Variants in LRP5 observed in about 807,000 individuals in gnomAD.
The protein encoded by LRP5 is low-density lipoprotein receptor-related protein 5.
LRP5 carries 62 observed loss-of-function variants against 154.1 expected under a neutral mutation model. The ratio of observed to expected loss-of-function variants is 0.40; its 90% confidence interval spans 0.33 to 0.50. The LOEUF (loss-of-function observed/expected upper bound fraction) is 0.50. Ranked by LOEUF, LRP5 falls within the 20% of genes least tolerant of loss-of-function variation. The pLI is 0.55. For synonymous variants in LRP5, 966 were observed against 1,011.5 expected (o/e 0.96, Z 0.85); for missense variants, 1,915 against 2,336.7 (o/e 0.82, Z 3.72).
chr11:68,432,564 T>C (rs595693), intron 17 of LRP5, among the ~76,000 whole-genome samples: 1,797 of 152,356 alleles, frequency 0.012, 46 homozygotes, highest in African/African-American at 0.041. Context: ...ATCCAAAGGC[T>C]TGCGTGCAGC....
At chr11:68,391,075 T>A (rs1292298069) in intron 7 of LRP5, among the ~76,000 whole-genome samples, 6 of 152,146 alleles carry the variant, frequency 3.9e-5, no homozygotes, top group Non-Finnish European at 8.8e-5. Context: ...TTCATGCCAT[T>A]CTCCTGCCTC....
intron 13 of LRP5, among the ~76,000 whole-genome samples, chr11:68,418,022 G>C (rs2153170233): frequency 6.6e-6 from 1 of 152,332 alleles, no homozygotes; most frequent in East Asian, 1.9e-4. Flanking sequence ...CACAAATGAT[G>C]TGCTCACGGC....
chr11:68,312,878 C>G (rs1591160546), intron 1 of LRP5, 73 bp downstream of exon 1: 1 of 825,676 alleles, frequency 1.2e-6, no homozygotes. Flanking sequence ...CGGCCAAGTG[C>G]GCGGGCGCCG....
intron 9 of LRP5, among the ~76,000 whole-genome samples, chr11:68,408,615 T>G (rs942569505): frequency 2.6e-5 from 4 of 152,176 alleles, no homozygotes; most frequent in Non-Finnish European, 5.9e-5. Context: ...CAGAATTCTG[T>G]ATCCTGATTT....
chr11:68,396,230 C>G (rs2153158779), intron 7 of LRP5, among the ~76,000 whole-genome samples: 1 of 152,184 alleles, frequency 6.6e-6, no homozygotes, highest in East Asian at 1.9e-4. Flanking sequence ...GGAGGAGACA[C>G]ATTTGGAACA....
intron 5 of LRP5, among the ~76,000 whole-genome samples, chr11:68,366,743 C>T (rs572896513): frequency 1.3e-5 from 2 of 152,096 alleles, no homozygotes; most frequent in Non-Finnish European, 2.9e-5. Flanking sequence ...AGAGCCTCCC[C>T]GACCAAGCAT....
In LRP5 at chr11:68,439,713, T is replaced by C. The variant is rs34050100; in HGVS notation, c.4349-64T>C. The stretch of plus-strand genomic sequence containing the variant: ...AGTGGGAGCAGAGGAGAGCGCCCTA[T>C]GTCTGTGGGGCGGCTTGGCTGAGCC... On this transcript the variant is annotated intron_variant, in intron 20 of 22. Transcript: ENST00000294304. 613 of 1,555,262 alleles carry C rather than the reference T, an allele frequency of 3.9e-4. 5 individuals are homozygous for C. In the African/African-American group the frequency reaches 7.4e-3, roughly 19 times the overall value.
At chr11:68,409,095 T>TATATATATATATATAC (rs1311618305) in intron 9 of LRP5, among the ~76,000 whole-genome samples, 64 of 27,550 alleles carry the variant, frequency 2.3e-3, no homozygotes, top group Middle Eastern at 0.025. Flanking sequence ...TATATATATA[T>TATATATATATATATAC]ACACACACAT....
intron 21 of LRP5, among the ~76,000 whole-genome samples, chr11:68,444,288 G>A (rs1332955074): frequency 6.6e-6 from 1 of 152,118 alleles, no homozygotes; most frequent in Non-Finnish European, 1.5e-5. Context: ...ACCAAGGCGG[G>A]TGGATCACCT....
chr11:68,386,441 G>A lies in LRP5; in HGVS notation c.1141G>A (p.Asp381Asn), dbSNP rs1332274863. ...DIRHAIAIDY[D>N]PLEGYVYWTD... ...CCGGCACGCCATTGCCATCGACTAC[G>A]ACCCGCTAGAGGGCTATGTCTACTG... Residue 381 changes from aspartate (D) to asparagine (N), a missense_variant, in exon 6 of 23, where the codon GAC becomes AAC. Asp to Asn is a conservative substitution (Grantham distance 23, BLOSUM62 1). Around this residue, in one of 3 missense-constraint regions of LRP5, gnomAD observed 773 missense variants for 1,100.9 expected, o/e 0.70. Transcript: ENST00000294304. The surrounding 1 kb of genome is among the most constrained non-coding windows in gnomAD (Gnocchi z 7.9). The A allele has an allele frequency of 3.1e-6, 5 of 1,614,078 alleles. No homozygotes were observed. Among genetic ancestry groups the A allele is most frequent in the African/African-American group, 1.3e-5 (1 of 75,052 alleles).
chr11:68,332,335 T>G (rs1478006599), intron 1 of LRP5, among the ~76,000 whole-genome samples: 1 of 152,176 alleles, frequency 6.6e-6, no homozygotes, highest in Non-Finnish European at 1.5e-5. Context: ...GCACCTGGAA[T>G]GGGAGGGATG....
At chr11:68,392,634 C>T (rs1446223332) in intron 7 of LRP5, among the ~76,000 whole-genome samples, 1 of 152,156 alleles carries the variant, frequency 6.6e-6, no homozygotes, top group African/African-American at 2.4e-5. Flanking sequence ...AAGGAAACCC[C>T]ATGCCCACCG....
the LRP5 span, among the ~76,000 whole-genome samples, chr11:68,306,653 A>T: frequency 6.6e-6 from 1 of 152,242 alleles, no homozygotes; most frequent in East Asian, 1.9e-4. Context: ...AAACACTTAT[A>T]AATGAGAATG....
intron 2 of LRP5, among the ~76,000 whole-genome samples, chr11:68,354,808 A>G (rs2098621794): frequency 6.6e-6 from 1 of 152,174 alleles, no homozygotes; most frequent in South Asian, 2.1e-4. Context: ...TAATGGGAAT[A>G]GCAATTCCCA....
At chr11:68,304,534 G>C in the LRP5 span, among the ~76,000 whole-genome samples, 5 of 152,212 alleles carry the variant, frequency 3.3e-5, no homozygotes, top group African/African-American at 1.2e-4. Flanking sequence ...TGCGGGACGG[G>C]GCCGCCACCA....
chr11:68,364,893 G>T (rs1225942410), intron 4 of LRP5, among the ~76,000 whole-genome samples: 6 of 150,194 alleles, frequency 4.0e-5, no homozygotes, highest in Non-Finnish European at 7.4e-5. Context: ...TGAGTTTGTT[G>T]TTCCAGTTAT....
intron 5 of LRP5, among the ~76,000 whole-genome samples, chr11:68,382,110 T>C (rs2098640553): frequency 6.6e-6 from 1 of 152,228 alleles, no homozygotes. Flanking sequence ...CTCAGAGGCC[T>C]TGCAGCCTGA....
In LRP5 at chr11:68,425,224, A is replaced by G; in HGVS notation, c.3359A>G (p.Asp1120Gly). 6.2e-7 allele frequency: 1 copy of G among 1,612,826 alleles called. No individual in the cohort carries two copies. The highest frequency in any genetic ancestry group is 8.5e-7 in the Non-Finnish European group (1 of 1,179,984). Residue 1120 changes from aspartate to glycine, a missense_variant, in exon 15 of 23, where the codon GAC (aspartate) becomes GGC (glycine). Coordinates refer to ENST00000294304, the MANE Select transcript of LRP5 (RefSeq NM_002335.4). ...ATCCGCCCTGTGGCCCTGGTGGTGGACAACACACTGGGCAAGCTGTTCTGG... is the reference window on the plus strand; with the variant it reads ...ATCCGCCCTGTGGCCCTGGTGGTGGGCAACACACTGGGCAAGCTGTTCTGG... ...GLIRPVALVV[D>G]NTLGKLFWVD...
At chr11:68,418,657 G>A (rs767445571) in intron 13 of LRP5, among the ~76,000 whole-genome samples, 35 of 152,244 alleles carry the variant, frequency 2.3e-4, no homozygotes, top group African/African-American at 6.5e-4. Context: ...TTCTAGTTAC[G>A]TTGTACTGTG....
Sources: allele counts gnomAD v4.1 joint callset (sites outside exome capture counted in the v4.1 genomes callset), GRCh38; gene constraint gnomAD v4.1.1; regional missense constraint gnomAD v4.1.1; non-coding constraint Gnocchi (gnomAD v3.1); transcripts MANE v1.5; gene names NCBI Gene and HGNC (gene_info 2026-07-23, HGNC 2026-07-21).